Variants in KDM3A observed in about 807,000 individuals in gnomAD.
The protein encoded by KDM3A is lysine-specific demethylase 3A.
In KDM3A, 60 loss-of-function variants were observed where a neutral mutation model predicts 158.0. That is an observed-to-expected ratio of 0.38 (90% CI 0.31 to 0.47). The LOEUF (loss-of-function observed/expected upper bound fraction) is 0.47, where lower values mean the gene tolerates loss of function less well. Ranked by LOEUF, KDM3A falls within the 20% of genes least tolerant of loss-of-function variation. The pLI is 0.99. For missense variants in KDM3A, 1,319 were observed against 1,574.3 expected, an observed-to-expected ratio of 0.84 and a Z score of 2.74; for synonymous variants, 608 against 549.3, an observed-to-expected ratio of 1.11 and a Z score of -1.49.
chr2:86,474,701 TTGTGTGTGTGTGTGTGTGTGTG>T (rs369518183), intron 11 of KDM3A, 53 bp from the exon 12 acceptor site: 3 of 426,996 alleles, frequency 7.0e-6, no homozygotes, highest in South Asian at 2.5e-5. Flanking sequence ...TGTAAATAAG[TTGTGTGTGTGTGTGTGTGTGTG>T]TGTGTGTGTG....
chr2:86,451,302 T>C (rs1672458464), intron 4 of KDM3A, 89 bp downstream of exon 4: 10 of 794,532 alleles, frequency 1.3e-5, no homozygotes, highest in East Asian at 5.3e-5. Flanking sequence ...CCTTAAATAG[T>C]GTGGGTATTA....
At chr2:86,478,856 AAGAG>A (rs962384956) in intron 15 of KDM3A, 121 bp downstream of exon 15, 10 of 904,406 alleles carry the variant, frequency 1.1e-5, no homozygotes, top group South Asian at 4.9e-5. Context: ...ATCAAGTGGA[AAGAG>A]AGAGAGAAAG....
At position 86,492,397 on chromosome 2, in the gene KDM3A, A is replaced by G. The variant is rs1674501820; in HGVS notation, c.*278A>G. 1 of 345,522 alleles carries G rather than the reference A, an allele frequency of 2.9e-6. No homozygotes were observed. The highest frequency in any genetic ancestry group is 6.1e-5 in the South Asian group (1 of 16,418). 21.4% of individuals were successfully genotyped at this position (345,522 alleles called of 1,614,324 possible). A position where few individuals can be genotyped will look rare whatever the true frequency, so the allele number is the denominator to read the frequency against. On this transcript the variant is annotated 3_prime_UTR_variant, in exon 26 of 26. Coordinates refer to ENST00000312912, the MANE Select transcript of KDM3A (RefSeq NM_018433.6). ...AAAACCTCGTATCAGCTCTGGAACA[A>G]TACCTGCAGTTATTCTTCAGCTGTT...
At chr2:86,461,219 C>T (rs1462512406) in intron 8 of KDM3A, among the ~76,000 whole-genome samples, 1 of 152,130 alleles carries the variant, frequency 6.6e-6, no homozygotes, top group Non-Finnish European at 1.5e-5. Flanking sequence ...GCTGTTGCCA[C>T]TGCTCTCCAA....
chr2:86,491,946 G>C (rs1674476823), intron 25 of KDM3A, 93 bp from the exon 26 acceptor site: 1 of 787,954 alleles, frequency 1.3e-6, no homozygotes, highest in Non-Finnish European at 2.1e-6. Context: ...AATTCTGAGA[G>C]AAGGTAATAA....
chr2:86,453,789 A>C (rs1423753584), intron 4 of KDM3A, among the ~76,000 whole-genome samples: 1 of 152,210 alleles, frequency 6.6e-6, no homozygotes, highest in Non-Finnish European at 1.5e-5. Context: ...TTTTTCCAGC[A>C]CAGCTTCTCT....
intron 8 of KDM3A, among the ~76,000 whole-genome samples, chr2:86,459,401 TAAATATCA>T (rs1352623574): frequency 6.6e-6 from 1 of 152,182 alleles, no homozygotes; most frequent in Non-Finnish European, 1.5e-5. Flanking sequence ...TTAGAAGTAG[TAAATATCA>T]GTTTGGAGAA....
chr2:86,461,781 G>A (rs1672941943), intron 8 of KDM3A, among the ~76,000 whole-genome samples: 4 of 152,182 alleles, frequency 2.6e-5, no homozygotes, highest in Admixed American at 2.6e-4. Context: ...TGAAAACGAT[G>A]TAGCCAGAGA....
chr2:86,471,221 A>G (rs753743888), intron 11 of KDM3A, among the ~76,000 whole-genome samples: 25 of 151,446 alleles, frequency 1.7e-4, no homozygotes, highest in East Asian at 5.8e-4. Flanking sequence ...ATATATATAT[A>G]TGTGTGTGTG....
At position 86,470,254 on chromosome 2, in the gene KDM3A, C is replaced by G. The variant is rs746938305; in HGVS notation, c.1570C>G (p.Gln524Glu). 1 of 1,614,140 alleles carries G rather than the reference C, an allele frequency of 6.2e-7. No homozygotes were observed. Among genetic ancestry groups the G allele is most frequent in the South Asian group, 1.1e-5 (1 of 91,088 alleles). ...AGACCCAGCTAAACTCAAAAAGCTG[C>G]AACAGAGTGGCGAGGCCTTCGTACA... is the stretch of plus-strand genomic sequence containing the variant. ...LTDPAKLKKLQQSGEAFVQDD... is the reference protein window; with the variant it reads ...LTDPAKLKKLEQSGEAFVQDD... The change falls in exon 11 of 26, where the codon CAA (glutamine) becomes GAA (glutamate). Residue 524 changes from glutamine to glutamate, a missense_variant. Transcript: ENST00000312912.
At chr2:86,474,638 T>C (rs1314281609) in intron 11 of KDM3A, 138 bp from the exon 12 acceptor site, 2 of 604,502 alleles carry the variant, frequency 3.3e-6, no homozygotes, top group Non-Finnish European at 5.7e-6. Flanking sequence ...CACTCCAGCC[T>C]GGGTGACAGA....
intron 4 of KDM3A, among the ~76,000 whole-genome samples, chr2:86,451,735 C>T (rs1248901888): frequency 6.6e-6 from 1 of 152,120 alleles, no homozygotes; most frequent in East Asian, 1.9e-4. Flanking sequence ...CCCATCCCAT[C>T]AGCAGTTAGG....
chr2:86,437,161 GAC>G (rs1682506499), upstream of KDM3A, among the ~76,000 whole-genome samples: 1 of 150,914 alleles, frequency 6.6e-6, no homozygotes, highest in Non-Finnish European at 1.5e-5. Flanking sequence ...TTTTTTTTGA[GAC>G]AGAGTCTTGC....
chr2:86,480,427 A>G, intron 16 of KDM3A, 65 bp downstream of exon 16: 1 of 1,385,634 alleles, frequency 7.2e-7, no homozygotes. Flanking sequence ...AGGACTTGAG[A>G]GAACAGTGGT....
intron 21 of KDM3A, chr2:86,489,030 A>G (rs932266521): frequency 6.2e-6 from 2 of 321,416 alleles, no homozygotes; most frequent in Non-Finnish European, 1.2e-5. Flanking sequence ...TGTGGCAACA[A>G]TCAAAGCCTG....
At chr2:86,491,326 TG>T in intron 25 of KDM3A, 51 bp downstream of exon 25, 1 of 1,573,048 alleles carries the variant, frequency 6.4e-7, no homozygotes, top group Non-Finnish European at 8.7e-7. Context: ...TATGGCTTCA[TG>T]GCCCATTCTT....
At chr2:86,455,359 A>G (rs1011532614) in intron 5 of KDM3A, among the ~76,000 whole-genome samples, 172 bp downstream of exon 5, 28 of 147,084 alleles carry the variant, frequency 1.9e-4, no homozygotes, top group South Asian at 6.4e-4. Context: ...GTCTTGGCTC[A>G]CTGCAACCTC....
intron 20 of KDM3A, 89 bp downstream of exon 20, chr2:86,485,118 G>T: frequency 1.3e-6 from 1 of 761,132 alleles, no homozygotes. Flanking sequence ...CAGTTTTCAA[G>T]AAAATAACAA....
rs1288204763 is a variant in KDM3A at position 86,442,137 on chromosome 2, C to G, written c.90C>G (p.His30Gln). 6.2e-7 allele frequency: 1 copy of G among 1,613,962 alleles called. No homozygotes were observed. The highest frequency in any genetic ancestry group is 2.2e-5 in the East Asian group (1 of 44,880). The change falls in exon 2 of 26, where the codon CAC becomes CAG. Residue 30 changes from histidine (H) to glutamine (Q), a missense_variant. Physicochemically the swap from His to Gln is conservative, Grantham distance 24. Transcript: ENST00000312912. Reference protein sequence around the residue: ...LSAADGSDGSHDSWDVERVAE... With the variant: ...LSAADGSDGSQDSWDVERVAE... ...CAGCCGACGGCAGCGATGGCAGCCACGACAGCTGGGACGTGGAGCGCGTCG... is the reference window on the plus strand; with the variant it reads ...CAGCCGACGGCAGCGATGGCAGCCAGGACAGCTGGGACGTGGAGCGCGTCG...
Sources: gnomAD v4.1 joint callset for allele counts (sites outside exome capture counted in the v4.1 genomes callset) on GRCh38, gnomAD v4.1.1 for gene constraint, MANE v1.5 for transcripts, NCBI Gene and HGNC (gene_info 2026-07-23, HGNC 2026-07-21) for gene names.